Variants in ITPK1 observed in about 807,000 individuals in gnomAD.
ITPK1 encodes inositol-tetrakisphosphate 1-kinase, also known as inositol 1,3,4-trisphosphate 5/6-kinase.
A neutral mutation model predicts 45.3 loss-of-function variants in ITPK1; 21 were observed. The observed-to-expected ratio is 0.46, with a 90% confidence interval of 0.33 to 0.67. ITPK1 has a LOEUF of 0.67. Among genes scored for constraint, ITPK1 ranks in the 30% least tolerant of loss-of-function variants. The pLI is 0.02. For missense variants in ITPK1, 474 were observed against 573.5 expected, an observed-to-expected ratio of 0.83 and a Z score of 1.77; for synonymous variants, 258 against 253.6, an observed-to-expected ratio of 1.02 and a Z score of -0.16.
intron 3 of ITPK1, among the ~76,000 whole-genome samples, chr14:93,038,138 T>TGCCTCCCAGGTTCA (rs1194977733): frequency 6.6e-6 from 1 of 151,754 alleles, no homozygotes. Flanking sequence ...CTGCAACCTC[T>TGCCTCCCAGGTTCA]GCCTCCCAGG....
rs1889736506 is a variant in ITPK1 at position 93,045,512 on chromosome 14, T to C, written c.121-28711A>G. On this transcript the variant is annotated intron_variant, in intron 3 of 10. Coordinates refer to ENST00000267615, the MANE Select transcript of ITPK1 (RefSeq NM_014216.6). ...CGTACTGACAGCACTTAAAAACCAA[T>C]TAGATGGCACGTGCCTGTAGTCCCA... Among the ~76,000 whole-genome samples, 4 of 152,008 alleles carry C rather than the reference T, an allele frequency of 2.6e-5. No homozygotes were observed. In the South Asian group the frequency reaches 8.3e-4, roughly 31 times the overall value.
At chr14:92,998,825 T>C (rs1040995279) in intron 4 of ITPK1, 1 of 151,880 alleles carries the variant, frequency 6.6e-6, no homozygotes, top group African/African-American at 2.4e-5. Flanking sequence ...GAGAGATTAA[T>C]TATAGTAAGG....
intron 2 of ITPK1, among the ~76,000 whole-genome samples, chr14:93,080,555 C>A (rs1412904508): frequency 6.6e-6 from 1 of 152,156 alleles, no homozygotes; most frequent in Non-Finnish European, 1.5e-5. Flanking sequence ...GCAGCACTCG[C>A]TATGGGTTCT....
intron 3 of ITPK1, among the ~76,000 whole-genome samples, chr14:93,056,457 GCTGCCA>G (rs1280441486): frequency 6.6e-6 from 1 of 152,216 alleles, no homozygotes; most frequent in Non-Finnish European, 1.5e-5. Context: ...CATCAGTGCA[GCTGCCA>G]CTGGTTCCCA....
At chr14:93,057,550 G>A (rs756178349) in intron 3 of ITPK1, among the ~76,000 whole-genome samples, 7 of 152,304 alleles carry the variant, frequency 4.6e-5, no homozygotes, top group Non-Finnish European at 8.8e-5. Context: ...GGAAACAGAC[G>A]TGCGAGTACA....
At chr14:93,071,416 G>T (rs1342657377) in intron 3 of ITPK1, 1 of 152,224 alleles carries the variant, frequency 6.6e-6, no homozygotes, top group African/African-American at 2.4e-5. Context: ...ACAGGGTAAT[G>T]TTCTGAAGCA....
Position 93,030,168 on chromosome 14 carries a change from C to T in ITPK1, c.121-13367G>A, listed in dbSNP as rs527870223. Among the ~76,000 whole-genome samples, 3 of 152,364 alleles carry T rather than the reference C, an allele frequency of 2.0e-5. No homozygotes were observed. In the East Asian group the frequency reaches 5.8e-4, roughly 29 times the overall value. ...GTGAGAGCGGCACCCCGCATTTACACTCAGTAGAGCTGACTGGGGAATGTG... is the reference window on the plus strand; with the variant it reads ...GTGAGAGCGGCACCCCGCATTTACATTCAGTAGAGCTGACTGGGGAATGTG... On this transcript the variant is annotated intron_variant, in intron 3 of 10. Coordinates refer to ENST00000267615, the MANE Select transcript of ITPK1 (RefSeq NM_014216.6).
chr14:92,954,505 C>T (rs961634145), intron 8 of ITPK1, among the ~76,000 whole-genome samples: 2 of 152,172 alleles, frequency 1.3e-5, no homozygotes, highest in African/African-American at 2.4e-5. Context: ...TTTGGGTGCC[C>T]CATGCAGTCT....
intron 3 of ITPK1, among the ~76,000 whole-genome samples, chr14:93,040,267 C>T (rs771782703): frequency 6.6e-6 from 1 of 152,218 alleles, no homozygotes; most frequent in Non-Finnish European, 1.5e-5. Flanking sequence ...AATGGGGAGC[C>T]TGGGCTTCAG....
At chr14:92,988,618 A>G (rs746058884) in intron 5 of ITPK1, among the ~76,000 whole-genome samples, 5 of 152,122 alleles carry the variant, frequency 3.3e-5, no homozygotes, top group Non-Finnish European at 5.9e-5. Flanking sequence ...GTCCCTCTCC[A>G]TCAGCCACAG....
Position 93,076,249 on chromosome 14 carries a change from C to G in ITPK1, c.120+346G>C, listed in dbSNP as rs529465753. On this transcript the variant is annotated intron_variant, in intron 3 of 10. Transcript: ENST00000267615. This position sits in a 1 kb window ranked among gnomAD's most constrained non-coding sequence, Gnocchi z 4.3. ...CAAGTCCACCCAGGGTGAGGCTACA[C>G]AGAGCACAAGACAACTGGACATCTA... Among the ~76,000 whole-genome samples, 31 of 152,206 alleles carry G rather than the reference C, an allele frequency of 2.0e-4. No individual in the cohort carries two copies. In the East Asian group the frequency reaches 3.3e-3, roughly 16 times the overall value.
intron 4 of ITPK1, among the ~76,000 whole-genome samples, chr14:93,007,721 C>T (rs1439222961): frequency 1.3e-5 from 2 of 152,178 alleles, no homozygotes; most frequent in Non-Finnish European, 2.9e-5. Flanking sequence ...ACATCTACCC[C>T]GTGGATGACA....
chr14:93,060,696 C>A (rs911835551), intron 3 of ITPK1, among the ~76,000 whole-genome samples: 5 of 152,080 alleles, frequency 3.3e-5, no homozygotes, highest in African/African-American at 9.7e-5. Flanking sequence ...GGGGAAGGGG[C>A]AGGGGATGGA....
At chr14:92,962,287 T>C in intron 7 of ITPK1, 68 bp downstream of exon 7, 3 of 1,143,466 alleles carry the variant, frequency 2.6e-6, no homozygotes, top group East Asian at 4.7e-5. Flanking sequence ...TCCGGCAGGG[T>C]AGCAGTGAGA....
At chr14:92,942,059 AAGGGGGGCTG>A (rs758309136) in intron 10 of ITPK1, among the ~76,000 whole-genome samples, 155 bp from the exon 11 acceptor site, 3 of 152,110 alleles carry the variant, frequency 2.0e-5, no homozygotes, top group Non-Finnish European at 4.4e-5. Context: ...CTCAGCAGAT[AAGGGGGGCTG>A]AGGGGAGTCA....
chr14:93,109,057 T>A (rs1892636789), intron 2 of ITPK1, among the ~76,000 whole-genome samples: 2 of 152,138 alleles, frequency 1.3e-5, no homozygotes, highest in African/African-American at 4.8e-5. Flanking sequence ...GCCTGTGCCC[T>A]CTGACCCAGC....
intron 2 of ITPK1, among the ~76,000 whole-genome samples, chr14:93,092,785 C>T (rs1891914935): frequency 6.6e-6 from 1 of 152,210 alleles, no homozygotes; most frequent in East Asian, 1.9e-4. Flanking sequence ...ACAGCCAGGG[C>T]ACCCTCTGCC....
intron 2 of ITPK1, among the ~76,000 whole-genome samples, chr14:93,094,554 C>T (rs1339430125): frequency 6.6e-6 from 1 of 152,146 alleles, no homozygotes; most frequent in Non-Finnish European, 1.5e-5. Flanking sequence ...TCCTCATCTC[C>T]CCTCACACCA....
chr14:93,068,924 C>G (rs963239036), intron 3 of ITPK1: 3 of 152,274 alleles, frequency 2.0e-5, no homozygotes, highest in African/African-American at 7.2e-5. Flanking sequence ...CTCAGCACAC[C>G]TATCGGAAAG....
Sources: allele counts gnomAD v4.1 joint callset (sites outside exome capture counted in the v4.1 genomes callset), GRCh38; gene constraint gnomAD v4.1.1; non-coding constraint Gnocchi (gnomAD v3.1); transcripts MANE v1.5; gene names NCBI Gene and HGNC (gene_info 2026-07-23, HGNC 2026-07-21).